MYO18B: variants seen among roughly 807,000 people sequenced by gnomAD.
MYO18B encodes the protein unconventional myosin-XVIIIb.
A neutral mutation model predicts 273.0 loss-of-function variants in MYO18B; 204 were observed. That is an observed-to-expected ratio of 0.75 (90% CI 0.67 to 0.84). MYO18B has a LOEUF of 0.84. MYO18B is among the 40% of genes least tolerant of loss of function. The pLI is 0.00. For synonymous variants in MYO18B, 1,330 were observed against 1,305.7 expected, an observed-to-expected ratio of 1.02 and a Z score of -0.40; for missense variants, 3,212 against 3,287.6, an observed-to-expected ratio of 0.98 and a Z score of 0.56.
chr22:25,794,239 C>T (rs774362305), intron 11 of MYO18B, among the ~76,000 whole-genome samples: 1 of 151,166 alleles, frequency 6.6e-6, no homozygotes, highest in Non-Finnish European at 1.5e-5. Context: ...GCCTTTCTCT[C>T]TCTTTCACCC....
intron 33 of MYO18B, among the ~76,000 whole-genome samples, chr22:25,914,812 T>G (rs1443047245): frequency 6.9e-6 from 1 of 145,828 alleles, no homozygotes; most frequent in East Asian, 2.2e-4. Flanking sequence ...TTCTCCTGCC[T>G]CAGCCTCCCG....
In MYO18B at chr22:25,828,950, G is replaced by A. The variant is rs376280007; in HGVS notation, c.2961G>A (p.Thr987=). The change falls in exon 15 of 44, where the codon ACG becomes ACA. Residue 987 remains threonine (T), a synonymous_variant. Transcript: ENST00000335473. ...TCTACCAGCGGACCTTTGTCTCCACGCTACAGCGATATCAAGAGGTATGCC... is the reference window on the plus strand; with the variant it reads ...TCTACCAGCGGACCTTTGTCTCCACACTACAGCGATATCAAGAGGTATGCC... ...LLFYQRTFVS[T]LQRYQEEGVP... 8.0e-5 allele frequency: 129 copies of A among 1,613,810 alleles called. No individual in the cohort carries two copies. Among genetic ancestry groups the A allele is most frequent in the Non-Finnish European group, 1.0e-4 (122 of 1,179,892 alleles).
At position 25,768,624 on chromosome 22, in the gene MYO18B, G is replaced by A. The variant is rs1430787634; in HGVS notation, c.708G>A (p.Glu236=). ...QGTVALKKGE[E]GQSIVGKGLG... ...CTGTGGCACTGAAAAAAGGCGAGGAGGGTCAAAGCATAGTGGGGAAGGGGC... is the reference window on the plus strand; with the variant it reads ...CTGTGGCACTGAAAAAAGGCGAGGAAGGTCAAAGCATAGTGGGGAAGGGGC... Residue 236 remains glutamate (E), a synonymous_variant, in exon 4 of 44, where the codon GAG becomes GAA. Coordinates refer to ENST00000335473, the MANE Select transcript of MYO18B (RefSeq NM_032608.7). 3 of 1,526,268 alleles carry A rather than the reference G, an allele frequency of 2.0e-6. No individual in the cohort carries two copies. In the South Asian group the frequency reaches 4.0e-5, roughly 20 times the overall value. 94.5% of individuals were successfully genotyped at this position (1,526,268 alleles called of 1,614,324 possible). A position where few individuals can be genotyped will look rare whatever the true frequency, so the allele number is the denominator to read the frequency against.
Position 25,835,299 on chromosome 22 carries a change from C to A in MYO18B, c.3064C>A (p.Arg1022Ser). The A allele has an allele frequency of 6.2e-7, 1 of 1,613,416 alleles. No homozygotes were observed. The change falls in exon 17 of 44, where the codon CGC (arginine) becomes AGC (serine). Residue 1022 changes from arginine to serine, a missense_variant. Transcript: ENST00000335473. ...AVVDQNPSQV[R>S]LPAGGGAQDA... ...TGAATCCTGGTTCTCCCAGCAGGTC[C>A]GCTTACCAGCTGGAGGAGGTGCCCA...
At chr22:26,054,870 G>A in the MYO18B span, among the ~76,000 whole-genome samples, 1 of 152,114 alleles carries the variant, frequency 6.6e-6, no homozygotes, top group East Asian at 1.9e-4. Context: ...TTTCATCTGC[G>A]AAACATAGGG....
intron 39 of MYO18B, among the ~76,000 whole-genome samples, chr22:25,973,019 C>T (rs2093052247): frequency 6.6e-6 from 1 of 151,304 alleles, no homozygotes; most frequent in South Asian, 2.1e-4. Context: ...CCACACAATC[C>T]ACTACACAAT....
At chr22:25,875,868 C>T (rs1364560493) in intron 23 of MYO18B, among the ~76,000 whole-genome samples, 3 of 152,206 alleles carry the variant, frequency 2.0e-5, no homozygotes, top group Non-Finnish European at 4.4e-5. Context: ...ACCTAATCCT[C>T]ATGTAAGATG....
chr22:26,027,624 G>A lies in MYO18B; in HGVS notation c.7650G>A (p.Thr2550=), dbSNP rs559035296. 36 of 1,613,776 alleles carry A rather than the reference G, an allele frequency of 2.2e-5. No individual in the cohort carries two copies. The East Asian group carries it at 6.5e-4, about 29-fold the overall frequency. ...CCCCCGAGCGGAGAGAGCCAGGGAC[G>A]GGGAGGAAAGACGACGATGTTGCGA... The part of the protein sequence containing the change: ...RTSPERREPG[T]GRKDDDVASI... The change falls in exon 43 of 44, where the codon ACG becomes ACA. Residue 2550 remains threonine (T), a synonymous_variant. Transcript: ENST00000335473. The surrounding 1 kb of genome is among the most constrained non-coding windows in gnomAD (Gnocchi z 4.1).
intron 1 of MYO18B, among the ~76,000 whole-genome samples, chr22:25,749,059 T>C (rs973997938): frequency 6.6e-6 from 1 of 152,198 alleles, no homozygotes; most frequent in Non-Finnish European, 1.5e-5. Context: ...AGCACCCTTC[T>C]TCCACTCAGC....
chr22:25,998,043 A>G (rs917413598), intron 40 of MYO18B, among the ~76,000 whole-genome samples: 20 of 151,612 alleles, frequency 1.3e-4, no homozygotes, highest in African/African-American at 4.6e-4. Flanking sequence ...GACTTGTTCA[A>G]ATTACAAAAA....
intron 17 of MYO18B, among the ~76,000 whole-genome samples, chr22:25,838,009 C>T (rs942286088): frequency 5.3e-5 from 8 of 152,114 alleles, no homozygotes; most frequent in African/African-American, 1.9e-4. Flanking sequence ...AGTAGCTCTT[C>T]TTCAAGATGC....
Position 25,921,409 on chromosome 22 carries a change from G to C in MYO18B, c.5517G>C (p.Gln1839His). The C allele has an allele frequency of 6.2e-7, 1 of 1,600,574 alleles. No individual in the cohort carries two copies. Among genetic ancestry groups the C allele is most frequent in the Non-Finnish European group, 8.5e-7 (1 of 1,173,728 alleles). The change falls in exon 34 of 44, where the codon CAG becomes CAC. Residue 1839 changes from glutamine to histidine, a missense_variant and splice_region_variant. Gln to His is a conservative substitution (Grantham distance 24). Transcript: ENST00000335473. The part of the protein sequence containing the change: ...SKEELEKVHS[Q>H]LEQSEAKCEE... Reference sequence around the variant, plus strand: ...AGGAGCTGGAGAAAGTGCACAGCCAGGTGGGTGTCACGGGATCCCCTTGAG... The same window carrying C: ...AGGAGCTGGAGAAAGTGCACAGCCACGTGGGTGTCACGGGATCCCCTTGAG...
chr22:25,969,914 A>G (rs1260269367), intron 39 of MYO18B, among the ~76,000 whole-genome samples: 2 of 152,258 alleles, frequency 1.3e-5, no homozygotes, highest in South Asian at 2.1e-4. Context: ...AAGCCCGCCT[A>G]TCATCATCAT....
chr22:25,869,315 T>C lies in MYO18B; in HGVS notation c.3951+930T>C, dbSNP rs148373499. 6.8e-4 allele frequency among the ~76,000 whole-genome samples: 103 copies of C among 151,374 alleles called. 2 individuals are homozygous for C. In the East Asian group the frequency reaches 0.019, roughly 28 times the overall value. ...AAATTTAAAAATTATCTGGGCGTGG[T>C]GGTGTGCGCCTGTAATCCCAGCTAC... is the stretch of plus-strand genomic sequence containing the variant. On this transcript the variant is annotated intron_variant, in intron 22 of 43. Transcript: ENST00000335473.
intron 39 of MYO18B, among the ~76,000 whole-genome samples, chr22:25,989,054 C>G (rs1435235308): frequency 6.6e-6 from 1 of 152,208 alleles, no homozygotes; most frequent in Non-Finnish European, 1.5e-5. Context: ...CTTTCTGTCT[C>G]TCTCCTCTAC....
the MYO18B span, among the ~76,000 whole-genome samples, chr22:26,041,151 G>A: frequency 6.7e-6 from 1 of 148,704 alleles, no homozygotes; most frequent in Admixed American, 6.6e-5. Context: ...TTCTTTTAGA[G>A]CCTTTTTTTT....
chr22:25,876,150 T>C, intron 23 of MYO18B, 39 bp from the exon 24 acceptor site: 1 of 1,590,278 alleles, frequency 6.3e-7, no homozygotes, highest in Non-Finnish European at 8.6e-7. Context: ...TCACCTGGGT[T>C]GGAAAGGACC....
intron 12 of MYO18B, among the ~76,000 whole-genome samples, chr22:25,805,293 C>A: frequency 6.6e-6 from 1 of 152,182 alleles, no homozygotes; most frequent in Admixed American, 6.5e-5. Context: ...GAGGCTGCAC[C>A]CGAGCTTGGA....
chr22:25,751,279 C>G (rs925790062), intron 1 of MYO18B, among the ~76,000 whole-genome samples: 1 of 152,208 alleles, frequency 6.6e-6, no homozygotes, highest in African/African-American at 2.4e-5. Context: ...GTTATCTTTA[C>G]CTCCTCCTGT....
Sources: allele counts gnomAD v4.1 joint callset (sites outside exome capture counted in the v4.1 genomes callset), GRCh38; gene constraint gnomAD v4.1.1; non-coding constraint Gnocchi (gnomAD v3.1); transcripts MANE v1.5; gene names NCBI Gene and HGNC (gene_info 2026-07-23, HGNC 2026-07-21).